CAST: variants seen among roughly 807,000 people sequenced by gnomAD.
CAST encodes the protein calpastatin, also known as MIR583 host.
In CAST, 76 loss-of-function variants were observed where a neutral mutation model predicts 119.6. The ratio of observed to expected loss-of-function variants is 0.64; its 90% confidence interval spans 0.53 to 0.77. CAST has a LOEUF of 0.77. Ranked by LOEUF, CAST falls within the 30% of genes least tolerant of loss-of-function variation. The pLI, the probability that CAST is intolerant of heterozygous loss-of-function variation, is 0.00. For missense variants in CAST, 953 were observed against 946.5 expected (o/e 1.01, Z -0.09); for synonymous variants, 319 against 331.6 (o/e 0.96, Z 0.41).
the CAST span, among the ~76,000 whole-genome samples, chr5:96,487,004 T>C: frequency 7.2e-3 from 1,085 of 151,554 alleles, 10 homozygotes; most frequent in South Asian, 0.019. Flanking sequence ...TGAGGCCCAC[T>C]TGTGGACCTT....
At chr5:96,452,640 TAAAAAA>T in the CAST span, among the ~76,000 whole-genome samples, 5,029 of 90,088 alleles carry the variant, frequency 0.056, 237 homozygotes, top group East Asian at 0.38. Flanking sequence ...TAAAGTATAA[TAAAAAA>T]AAAAAAAAAA....
chr5:96,048,664 A>AC, the CAST span, among the ~76,000 whole-genome samples: 1 of 150,014 alleles, frequency 6.7e-6, no homozygotes, highest in Non-Finnish European at 1.5e-5. Context: ...TCTCTTCCTG[A>AC]TTTTTTTTTT....
the CAST span, among the ~76,000 whole-genome samples, chr5:96,172,241 G>C: frequency 1.3e-5 from 2 of 152,208 alleles, no homozygotes; most frequent in African/African-American, 4.8e-5. Context: ...ACAAGGTAAT[G>C]TCATCAGTTA....
Position 96,740,102 on chromosome 5 carries a change from A to G in CAST, c.863A>G (p.Tyr288Cys), listed in dbSNP as rs907756921. 2 of 1,503,466 alleles carry G rather than the reference A, an allele frequency of 1.3e-6. No individual in the cohort carries two copies. Among genetic ancestry groups the G allele is most frequent in the Non-Finnish European group, 1.8e-6 (2 of 1,088,672 alleles). 93.1% of individuals were successfully genotyped at this position (1,503,466 alleles called of 1,614,324 possible). ...GKREVTIPPKYRELLAKKEGI... is the reference protein window; with the variant it reads ...GKREVTIPPKCRELLAKKEGI... ...AGAGAAGTCACAATTCCTCCAAAAT[A>G]TAGGGAACTATTGGCTGTAAGTTAA... Residue 288 changes from tyrosine (Y) to cysteine (C), a missense_variant, in exon 12 of 32, where the codon TAT becomes TGT. Transcript: ENST00000675179.
the CAST span, among the ~76,000 whole-genome samples, chr5:95,978,628 G>T: frequency 6.6e-6 from 1 of 151,880 alleles, no homozygotes; most frequent in Non-Finnish European, 1.5e-5. Context: ...GTCTTTTCCT[G>T]TGCAGAAGCT....
At position 96,706,144 on chromosome 5, in the gene CAST, A is replaced by G. The variant is rs1290920602; in HGVS notation, c.210+10237A>G. ...GAATAGAGCCCTAAGATGCTGTTAC[A>G]TTAATATAGATTATTCCTGGTTAGG... On this transcript the variant is annotated intron_variant, in intron 3 of 31. Transcript: ENST00000675179. Among the ~76,000 whole-genome samples the G allele has an allele frequency of 1.3e-5, 2 of 152,234 alleles. 1 individual carries two copies. Among genetic ancestry groups the G allele is most frequent in the South Asian group, 4.1e-4 (2 of 4,830 alleles).
chr5:96,359,881 T>C, the CAST span, among the ~76,000 whole-genome samples: 1 of 152,294 alleles, frequency 6.6e-6, no homozygotes, highest in African/African-American at 2.4e-5. Context: ...TATTGGCCTG[T>C]CTTGCCCGGT....
the CAST span, among the ~76,000 whole-genome samples, chr5:96,196,204 C>A: frequency 6.6e-6 from 1 of 152,174 alleles, no homozygotes; most frequent in East Asian, 1.9e-4. Flanking sequence ...AATTGAATAT[C>A]TAGATCATTG....
At chr5:96,261,444 T>C in the CAST span, among the ~76,000 whole-genome samples, 2 of 152,238 alleles carry the variant, frequency 1.3e-5, no homozygotes, top group African/African-American at 4.8e-5. Flanking sequence ...CCAGGGCTTA[T>C]ATACCATAGG....
rs114591871 is a variant in CAST, at chr5:96,571,962, A to T, written c.60+42082A>T. Among the ~76,000 whole-genome samples the T allele has an allele frequency of 7.3e-3, 1,106 of 152,332 alleles. 26 individuals carry two copies. Among genetic ancestry groups the T allele is most frequent in the African/African-American group, 0.026 (1,076 of 41,578 alleles). ...GTTGAGTGAATAAATAAATTGTCCA[A>T]TGAAATTAATAGAATGAATGAATGG... On this transcript the variant is annotated intron_variant, in intron 1 of 11. Coordinates refer to the CAST transcript ENST00000505143.
chr5:96,173,666 C>T, the CAST span, among the ~76,000 whole-genome samples: 11 of 152,062 alleles, frequency 7.2e-5, no homozygotes, highest in African/African-American at 2.4e-4. Flanking sequence ...GAACATAAAA[C>T]ATTCTGTTTG....
chr5:96,396,498 T>C, the CAST span, among the ~76,000 whole-genome samples: 1 of 149,716 alleles, frequency 6.7e-6, no homozygotes, highest in Non-Finnish European at 1.5e-5. Context: ...GAGGCAGAGG[T>C]TGCAGTGAGC....
intron 1 of CAST, among the ~76,000 whole-genome samples, chr5:96,535,615 C>G (rs2150178589): frequency 1.4e-5 from 2 of 142,732 alleles, no homozygotes; most frequent in Middle Eastern, 4.2e-3. Flanking sequence ...GCTCTGTCGC[C>G]CAGGCTGGAG....
chr5:96,637,367 A>G (rs560752342), intron 1 of CAST, among the ~76,000 whole-genome samples: 6 of 152,332 alleles, frequency 3.9e-5, no homozygotes, highest in Non-Finnish European at 7.3e-5. Context: ...CCAGAGCACC[A>G]TATGTAACCA....
chr5:96,378,393 A>G, the CAST span, among the ~76,000 whole-genome samples: 1 of 152,146 alleles, frequency 6.6e-6, no homozygotes, highest in African/African-American at 2.4e-5. Context: ...AGATATGTTA[A>G]TTAGCTTGAT....
the CAST span, among the ~76,000 whole-genome samples, chr5:96,413,466 G>A: frequency 1.3e-5 from 2 of 152,172 alleles, no homozygotes; most frequent in East Asian, 1.9e-4. Context: ...AAATTGATAT[G>A]ATCAGTGAAA....
chr5:95,980,820 C>T, the CAST span, among the ~76,000 whole-genome samples: 5 of 152,262 alleles, frequency 3.3e-5, no homozygotes, highest in East Asian at 9.7e-4. Context: ...CCCATGCAAT[C>T]CCATGGTGGC....
chr5:96,748,974 G>A (rs962544993), intron 19 of CAST, among the ~76,000 whole-genome samples: 3 of 152,108 alleles, frequency 2.0e-5, no homozygotes, highest in Admixed American at 2.0e-4. Flanking sequence ...AAGCATGTCT[G>A]TAGTTATGTC....
chr5:96,451,259 A>C, the CAST span, among the ~76,000 whole-genome samples: 3 of 152,216 alleles, frequency 2.0e-5, no homozygotes, highest in African/African-American at 7.2e-5. Context: ...AGGGCTTAGC[A>C]CTATGCAGTT....
Sources: allele counts gnomAD v4.1 joint callset (sites outside exome capture counted in the v4.1 genomes callset), GRCh38; gene constraint gnomAD v4.1.1; transcripts MANE v1.5; gene names NCBI Gene and HGNC (gene_info 2026-07-23, HGNC 2026-07-21).